The following RIMKLA variants were observed in gnomAD, a reference collection of about 807,000 sequenced individuals.
RIMKLA encodes the protein ribosomal modification protein rimK like family member A.
RIMKLA carries 14 observed loss-of-function variants against 32.7 expected under a neutral mutation model. The ratio of observed to expected loss-of-function variants is 0.43; its 90% CI spans 0.28 to 0.67. The LOEUF (loss-of-function observed/expected upper bound fraction) is 0.67. Among genes scored for constraint, RIMKLA ranks in the 30% least tolerant of loss-of-function variants. The probability of loss-of-function intolerance (pLI) is 0.18; values close to 1 mark genes in which losing one functional copy is unlikely to be tolerated. For synonymous variants in RIMKLA, 176 were observed against 204.1 expected (o/e 0.86, Z 1.18); for missense variants, 410 against 519.0 (o/e 0.79, Z 2.04).
Position 42,423,498 on chromosome 1 carries a change from G to C in RIMKLA, c.*8524G>C, listed in dbSNP as rs145899548. Among the ~76,000 whole-genome samples the C allele has an allele frequency of 6.6e-6, 1 of 152,168 alleles. No individual in the cohort carries two copies. Among genetic ancestry groups the C allele is most frequent in the Non-Finnish European group, 1.5e-5 (1 of 68,042 alleles). ...GCATTTAGCTCCATGGTAGACCAGC[G>C]TATTTGGTGAGAAAGGAAGTACTTT... On this transcript the variant is annotated 3_prime_UTR_variant, in exon 5 of 5. Coordinates refer to ENST00000431473, the MANE Select transcript of RIMKLA (RefSeq NM_173642.4).
At chr1:42,397,728 A>C (rs924747321) in intron 1 of RIMKLA, among the ~76,000 whole-genome samples, 8 of 146,266 alleles carry the variant, frequency 5.5e-5, no homozygotes, top group Middle Eastern at 6.8e-3. Flanking sequence ...GTGTCTAAAA[A>C]AAAAATAAAA....
chr1:42,404,104 C>T (rs1371715820), intron 2 of RIMKLA, among the ~76,000 whole-genome samples: 2 of 152,118 alleles, frequency 1.3e-5, no homozygotes, highest in East Asian at 1.9e-4. Context: ...TTTCAGTTAA[C>T]TAAAAGTCAA....
chr1:42,404,611 C>T lies in RIMKLA; in HGVS notation c.481+14C>T. On this transcript the variant is annotated intron_variant, in intron 3 of 4. Coordinates refer to ENST00000431473, the MANE Select transcript of RIMKLA (RefSeq NM_173642.4). The stretch of plus-strand genomic sequence containing the variant: ...GAGGCCACCGGGGTCAGTGCCACCT[C>T]TCCAGGGCTTCCTGGGTAATCAGCC... 1 of 1,568,840 alleles carries T rather than the reference C, an allele frequency of 6.4e-7. No individual in the cohort carries two copies. Among genetic ancestry groups the T allele is most frequent in the Non-Finnish European group, 8.8e-7 (1 of 1,140,960 alleles).
At chr1:42,406,997 C>G (rs1456662127) in intron 3 of RIMKLA, among the ~76,000 whole-genome samples, 3 of 151,992 alleles carry the variant, frequency 2.0e-5, no homozygotes, top group African/African-American at 7.3e-5. Context: ...CCTCTGCATC[C>G]TGGGCTGAAA....
intron 2 of RIMKLA, 61 bp downstream of exon 2, chr1:42,399,695 CCTTCTAGTAT>C (rs1258684407): frequency 9.8e-7 from 1 of 1,018,612 alleles, no homozygotes; most frequent in Non-Finnish European, 1.5e-6. Context: ...TCCTTAGAAA[CCTTCTAGTAT>C]CTTTGTTGCT....
In RIMKLA at chr1:42,416,091, G is replaced by GT. The variant is rs911025563; in HGVS notation, c.*1117_*1118insT. 3.2e-5 allele frequency: 3 copies of GT among 95,034 alleles called. No individual in the cohort carries two copies. The highest frequency in any genetic ancestry group is 4.7e-5 in the Non-Finnish European group (2 of 42,720). 5.9% of individuals were successfully genotyped at this position (95,034 alleles called of 1,614,324 possible). A position where few individuals can be genotyped will look rare whatever the true frequency, so the allele number is the denominator to read the frequency against. On this transcript the variant is annotated 3_prime_UTR_variant, in exon 5 of 5. Transcript: ENST00000431473. ...AATTACCCATTGCACATTTTGCGGG[G>GT]GGGGGGGCTAATGTAGACATGACAC...
At chr1:42,386,589 A>G (rs991872154) in intron 1 of RIMKLA, among the ~76,000 whole-genome samples, 2 of 90,554 alleles carry the variant, frequency 2.2e-5, no homozygotes, top group Non-Finnish European at 4.8e-5. Context: ...TAAAAATAAA[A>G]AATTGGGGGG....
rs1199876460 is a variant in RIMKLA, at chr1:42,421,507, C to G, written c.*6533C>G. 2 of 152,250 alleles carry G rather than the reference C, an allele frequency of 1.3e-5. No individual in the cohort carries two copies. Among genetic ancestry groups the G allele is most frequent in the East Asian group, 3.9e-4 (2 of 5,188 alleles). The allele number at this position is 152,250 out of a possible 1,614,324, so 9.4% of individuals were successfully genotyped here. A position where few individuals can be genotyped will look rare whatever the true frequency, so the allele number is the denominator to read the frequency against. ...ATAAAGCTGCTAAAATTCTGCTGTCCTGGGCCTATCCGGAGTGGGACTCCC... is the reference window on the plus strand; with the variant it reads ...ATAAAGCTGCTAAAATTCTGCTGTCGTGGGCCTATCCGGAGTGGGACTCCC... On this transcript the variant is annotated 3_prime_UTR_variant, in exon 5 of 5. Transcript: ENST00000431473. The surrounding 1 kb of genome is among the most constrained non-coding windows in gnomAD (Gnocchi z 4.6).
chr1:42,394,864 G>A (rs1643029458), intron 1 of RIMKLA, among the ~76,000 whole-genome samples: 1 of 152,030 alleles, frequency 6.6e-6, no homozygotes, highest in Admixed American at 6.6e-5. Flanking sequence ...AGCCTCCCAA[G>A]TAGCTGGGAT....
chr1:42,397,729 A>AT (rs113764865), intron 1 of RIMKLA, among the ~76,000 whole-genome samples: 27,497 of 151,952 alleles, frequency 0.18, 2,599 homozygotes, highest in East Asian at 0.22. Flanking sequence ...TGTCTAAAAA[A>AT]AAAATAAAAT....
At chr1:42,391,105 G>T (rs1394960935) in intron 1 of RIMKLA, among the ~76,000 whole-genome samples, 1 of 152,184 alleles carries the variant, frequency 6.6e-6, no homozygotes, top group Non-Finnish European at 1.5e-5. Flanking sequence ...AGTGGTTGGA[G>T]ATTAGAATAA....
At chr1:42,387,248 TTTTA>T (rs1013727239) in intron 1 of RIMKLA, among the ~76,000 whole-genome samples, 4 of 151,616 alleles carry the variant, frequency 2.6e-5, no homozygotes, top group African/African-American at 7.3e-5. Flanking sequence ...ATTTATTTAT[TTTTA>T]TTTATTCCAA....
In RIMKLA at chr1:42,415,017, C is replaced by G; in HGVS notation, c.*43C>G. ...GCATTTAAACCAAATCCTACTGCTT[C>G]CCTAGTAGTTTTGAGTGAATAAAAT... is the stretch of plus-strand genomic sequence containing the variant. On this transcript the variant is annotated 3_prime_UTR_variant, in exon 5 of 5. Transcript: ENST00000431473. 6.5e-7 allele frequency: 1 copy of G among 1,538,208 alleles called. No homozygotes were observed.
At chr1:42,386,895 A>ATAAG (rs1642953565) in intron 1 of RIMKLA, among the ~76,000 whole-genome samples, 1 of 147,582 alleles carries the variant, frequency 6.8e-6, no homozygotes, top group African/African-American at 2.5e-5. Flanking sequence ...AAATAAATAA[A>ATAAG]TAAATAAATA....
rs529013626 is a variant in RIMKLA, at chr1:42,388,965, C to T, written c.163+7868C>T. On this transcript the variant is annotated intron_variant, in intron 1 of 4. Transcript: ENST00000431473. Reference sequence around the variant, plus strand: ...GGTTATTGCTACAATTCAGGTGAGACGAGATTGTTGGGCTAGAATGATTTC... The same window carrying T: ...GGTTATTGCTACAATTCAGGTGAGATGAGATTGTTGGGCTAGAATGATTTC... Among the ~76,000 whole-genome samples, 12 of 152,104 alleles carry T rather than the reference C, an allele frequency of 7.9e-5. No homozygotes were observed. The East Asian group carries it at 9.7e-4, about 12-fold the overall frequency.
At chr1:42,384,272 G>A (rs1426149480) in intron 1 of RIMKLA, among the ~76,000 whole-genome samples, 1 of 152,140 alleles carries the variant, frequency 6.6e-6, no homozygotes, top group African/African-American at 2.4e-5. Context: ...TTAGGTGACT[G>A]AAGTAATCCT....
intron 3 of RIMKLA, among the ~76,000 whole-genome samples, chr1:42,406,186 A>T (rs1643146216): frequency 6.6e-6 from 1 of 152,242 alleles, no homozygotes; most frequent in African/African-American, 2.4e-5. Flanking sequence ...ACAGAAATTA[A>T]ATATACATAA....
intron 4 of RIMKLA, among the ~76,000 whole-genome samples, chr1:42,411,832 G>A (rs1382662849): frequency 6.6e-6 from 1 of 151,898 alleles, no homozygotes; most frequent in African/African-American, 2.4e-5. Context: ...CACCATGCCC[G>A]ACTAACCTTT....
At chr1:42,389,800 C>T (rs113769870) in intron 1 of RIMKLA, among the ~76,000 whole-genome samples, 22,826 of 151,352 alleles carry the variant, frequency 0.15, 1,796 homozygotes, top group East Asian at 0.23. Context: ...GGTGACAGAG[C>T]GAGACGCCAT....
Sources: gnomAD v4.1 joint callset for allele counts (sites outside exome capture counted in the v4.1 genomes callset) on GRCh38, gnomAD v4.1.1 for gene constraint, Gnocchi (gnomAD v3.1) non-coding constraint, MANE v1.5 for transcripts, NCBI Gene and HGNC (gene_info 2026-07-23, HGNC 2026-07-21) for gene names.